NKAIN3: variants seen among roughly 807,000 people sequenced by gnomAD.
NKAIN3 encodes sodium/potassium-transporting ATPase subunit beta-1-interacting protein 3.
Under a neutral mutation model 30.2 loss-of-function variants are expected in NKAIN3, and 25 were observed. The observed-to-expected ratio is 0.83, with a 90% CI of 0.60 to 1.16. NKAIN3 has a LOEUF of 1.16. Ranked by LOEUF, NKAIN3 falls within the 50% of genes most tolerant of loss-of-function variation. The probability of loss-of-function intolerance (pLI) is 0.00; values close to 1 mark genes in which losing one functional copy is unlikely to be tolerated. For synonymous variants in NKAIN3, 91 were observed against 89.6 expected (o/e 1.02, Z -0.09); for missense variants, 225 against 254.1 (o/e 0.89, Z 0.78).
chr8:62,693,718 C>T (rs552211466), intron 3 of NKAIN3, among the ~76,000 whole-genome samples: 3 of 152,150 alleles, frequency 2.0e-5, no homozygotes, highest in Non-Finnish European at 2.9e-5. Flanking sequence ...CCCTGGTCTC[C>T]ATCCCAACCT....
At chr8:62,823,668 C>T (rs1249894821) in intron 4 of NKAIN3, among the ~76,000 whole-genome samples, 1 of 152,160 alleles carries the variant, frequency 6.6e-6, no homozygotes, top group Non-Finnish European at 1.5e-5. Flanking sequence ...TTCTGTTATG[C>T]AGCTCAAGTG....
chr8:62,439,734 C>T (rs551781098), intron 1 of NKAIN3, among the ~76,000 whole-genome samples: 1 of 152,272 alleles, frequency 6.6e-6, no homozygotes, highest in South Asian at 2.1e-4. Context: ...TTCACAGTTT[C>T]CTCTGTTAAT....
chr8:62,775,552 G>A (rs932435454), intron 4 of NKAIN3, among the ~76,000 whole-genome samples: 5 of 151,880 alleles, frequency 3.3e-5, no homozygotes, highest in Admixed American at 3.3e-4. Flanking sequence ...ATTATAAACT[G>A]TCCTCTTAGT....
chr8:62,697,227 ATCTCTT>A (rs1814184675), intron 3 of NKAIN3, among the ~76,000 whole-genome samples: 1 of 152,098 alleles, frequency 6.6e-6, no homozygotes, highest in Non-Finnish European at 1.5e-5. Flanking sequence ...CTACAGAGCT[ATCTCTT>A]CCCCACCTCC....
chr8:62,574,624 C>T (rs1488383060), intron 1 of NKAIN3, among the ~76,000 whole-genome samples: 65 of 151,948 alleles, frequency 4.3e-4, no homozygotes, highest in Admixed American at 4.1e-3. Context: ...AAATTCAAAC[C>T]GTTCTCCATA....
intron 1 of NKAIN3, among the ~76,000 whole-genome samples, chr8:62,322,405 G>A (rs551902078): frequency 1.4e-4 from 22 of 152,254 alleles, no homozygotes; most frequent in African/African-American, 4.3e-4. Flanking sequence ...GAAATCACCC[G>A]TCTTCTGTGT....
chr8:62,969,237 A>G lies in NKAIN3; in HGVS notation c.*3830A>G, dbSNP rs1442929056. Among the ~76,000 whole-genome samples, 6 of 152,224 alleles carry G rather than the reference A, an allele frequency of 3.9e-5. No homozygotes were observed. The highest frequency in any genetic ancestry group is 1.4e-4 in the African/African-American group (6 of 41,472). ...AATAAGGGAGGCAGCCAGTTTCAAG[A>G]GGCTGGCTCTAACAAAATATACCAA... On this transcript the variant is annotated 3_prime_UTR_variant, in exon 7 of 7. Transcript: ENST00000623646.
At position 62,403,813 on chromosome 8, in the gene NKAIN3, C is replaced by G. The variant is rs368622830; in HGVS notation, c.54+154686C>G. The stretch of plus-strand genomic sequence containing the variant: ...CTCACTGGGGCACTGCCTGGTGTAG[C>G]TGTAAGAAGAAGGCCACTGTCTTCC... On this transcript the variant is annotated intron_variant, in intron 1 of 6. Transcript: ENST00000623646. Among the ~76,000 whole-genome samples, 15 of 152,314 alleles carry G rather than the reference C, an allele frequency of 9.8e-5. No individual in the cohort carries two copies. The East Asian group carries it at 2.3e-3, about 24-fold the overall frequency.
intron 1 of NKAIN3, among the ~76,000 whole-genome samples, chr8:62,470,994 A>G (rs939728760): frequency 6.6e-6 from 1 of 152,188 alleles, no homozygotes; most frequent in Non-Finnish European, 1.5e-5. Flanking sequence ...TTTTAAAAAA[A>G]CTAAAACACA....
chr8:62,502,804 G>A (rs920769531), intron 1 of NKAIN3, among the ~76,000 whole-genome samples: 11 of 152,166 alleles, frequency 7.2e-5, no homozygotes, highest in South Asian at 2.1e-4. Flanking sequence ...CAATGTGTTC[G>A]AAGTGCAATT....
chr8:62,829,598 A>G (rs1819130186), intron 4 of NKAIN3, among the ~76,000 whole-genome samples: 1 of 152,218 alleles, frequency 6.6e-6, no homozygotes, highest in African/African-American at 2.4e-5. Context: ...GAAAATAGAT[A>G]TGACATAAAC....
chr8:62,772,663 CT>C (rs34456138), intron 4 of NKAIN3, among the ~76,000 whole-genome samples: 3,674 of 137,224 alleles, frequency 0.027, 53 homozygotes, highest in African/African-American at 0.054. Flanking sequence ...CTTTTGCCTA[CT>C]TTTTTTTTTT....
intron 1 of NKAIN3, among the ~76,000 whole-genome samples, chr8:62,490,716 C>G (rs1319683652): frequency 6.6e-6 from 1 of 152,124 alleles, no homozygotes. Flanking sequence ...TGGCCCAGCC[C>G]ATCACGATGC....
intron 3 of NKAIN3, among the ~76,000 whole-genome samples, chr8:62,603,123 C>T (rs1015498922): frequency 6.6e-6 from 1 of 152,034 alleles, no homozygotes; most frequent in Non-Finnish European, 1.5e-5. Flanking sequence ...TACGTAGAAC[C>T]ATTATTCTTA....
intron 4 of NKAIN3, among the ~76,000 whole-genome samples, chr8:62,799,980 C>T (rs200736050): frequency 1.3e-5 from 2 of 152,088 alleles, no homozygotes; most frequent in Admixed American, 1.3e-4. Context: ...TGTTCTCACT[C>T]ATGAGTTGGA....
At chr8:62,839,435 C>G (rs1819466896) in intron 4 of NKAIN3, among the ~76,000 whole-genome samples, 1 of 151,696 alleles carries the variant, frequency 6.6e-6, no homozygotes. Flanking sequence ...AAAACATACC[C>G]GTATTTGAAG....
Position 62,332,449 on chromosome 8 carries a change from C to T in NKAIN3, c.54+83322C>T, listed in dbSNP as rs543270271. ...AATTTGTAATCTGGTGTTACTTTTC[C>T]AATTAGGAAAATGAATAACATAACA... On this transcript the variant is annotated intron_variant, in intron 1 of 6. Transcript: ENST00000623646. Among the ~76,000 whole-genome samples the T allele has an allele frequency of 2.0e-3, 303 of 152,022 alleles. 1 individual carries two copies. Among genetic ancestry groups the T allele is most frequent in the African/African-American group, 6.4e-3 (264 of 41,476 alleles).
chr8:62,302,765 A>T (rs1814092468), intron 1 of NKAIN3, among the ~76,000 whole-genome samples: 1 of 152,126 alleles, frequency 6.6e-6, no homozygotes, highest in South Asian at 2.1e-4. Flanking sequence ...CTTAGTAAAC[A>T]AAAGCATAAG....
intron 4 of NKAIN3, among the ~76,000 whole-genome samples, chr8:62,805,894 A>G (rs1818263550): frequency 2.0e-5 from 3 of 152,212 alleles, no homozygotes; most frequent in Non-Finnish European, 4.4e-5. Context: ...AATTTTTGCA[A>G]CCTACTCATC....
Sources: gnomAD v4.1 joint callset for allele counts (sites outside exome capture counted in the v4.1 genomes callset) on GRCh38, gnomAD v4.1.1 for gene constraint, MANE v1.5 for transcripts, NCBI Gene and HGNC (gene_info 2026-07-23, HGNC 2026-07-21) for gene names.